SSH2: variants seen among roughly 807,000 people sequenced by gnomAD.
The protein encoded by SSH2 is protein phosphatase Slingshot homolog 2.
In SSH2, 37 loss-of-function variants were observed where a neutral mutation model predicts 135.2. The observed-to-expected ratio is 0.27, with a 90% CI of 0.21 to 0.36. The LOEUF (loss-of-function observed/expected upper bound fraction) is 0.36, where lower values mean the gene tolerates loss of function less well. Ranked by LOEUF, SSH2 falls within the 10% of genes least tolerant of loss-of-function variation. The pLI is 1.00. For missense variants in SSH2, 1,408 were observed against 1,765.3 expected (o/e 0.80, Z 3.63); for synonymous variants, 628 against 646.2 (o/e 0.97, Z 0.43).
chr17:29,771,683 C>T (rs1437123197), intron 3 of SSH2, among the ~76,000 whole-genome samples: 1 of 152,142 alleles, frequency 6.6e-6, no homozygotes, highest in African/African-American at 2.4e-5. Context: ...TTTTTATTTT[C>T]AAGCCTGCTC....
chr17:29,800,201 G>A (rs556933479), intron 2 of SSH2, among the ~76,000 whole-genome samples: 48 of 147,408 alleles, frequency 3.3e-4, no homozygotes, highest in African/African-American at 1.1e-3. Context: ...TGTTTACTTC[G>A]AAAAAAAAAC....
chr17:29,655,003 A>G (rs935071981), intron 12 of SSH2, among the ~76,000 whole-genome samples: 1 of 152,248 alleles, frequency 6.6e-6, no homozygotes, highest in Non-Finnish European at 1.5e-5. Context: ...TTGATTTTAA[A>G]CATCACCAAT....
chr17:29,755,451 AATG>A (rs1323056102), intron 3 of SSH2, among the ~76,000 whole-genome samples: 10 of 152,146 alleles, frequency 6.6e-5, no homozygotes, highest in African/African-American at 4.8e-5. Flanking sequence ...TTAATCTAAT[AATG>A]ATAACATAAT....
At position 29,784,065 on chromosome 17, in the gene SSH2, C is replaced by CAAAAAAAA. The variant is rs71138857; in HGVS notation, c.188+9821_188+9828dup. On this transcript the variant is annotated intron_variant, in intron 3 of 15. Transcript: ENST00000540801. ...TGGGTGACAGAGCGAGACTCCGTCTCAAAAAAAAAAAAAAAAAAAAAAAAA... is the reference window on the plus strand; with the variant it reads ...TGGGTGACAGAGCGAGACTCCGTCTCAAAAAAAAAAAAAAAAAAAAAAAAAAAAAAAAA... Among the ~76,000 whole-genome samples the CAAAAAAAA allele has an allele frequency of 7.8e-3, 64 of 8,232 alleles. 2 individuals carry two copies. Among genetic ancestry groups the CAAAAAAAA allele is most frequent in the Non-Finnish European group, 0.013 (51 of 4,000 alleles). 5.4% of individuals were successfully genotyped at this position (8,232 alleles called of 152,430 possible).
intron 14 of SSH2, 36 bp downstream of exon 14, chr17:29,648,107 TA>T: frequency 6.3e-7 from 1 of 1,596,548 alleles, no homozygotes; most frequent in Non-Finnish European, 8.6e-7. Flanking sequence ...TTAGGGAACT[TA>T]AAAGGAGGGA....
At position 29,632,823 on chromosome 17, in the gene SSH2, C is replaced by T. The variant is rs147412361; in HGVS notation, c.2371G>A (p.Gly791Arg). ...ATGTCTCCTTTCAGTTGAATCTGCC[C>T]AACTCCTTGACTGATGGACTCAATT... Reference protein sequence around the residue: ...TEIESISQGVGQIQLKGDILP... With the variant: ...TEIESISQGVRQIQLKGDILP... The change falls in exon 16 of 16, where the codon GGG (glycine) becomes AGG (arginine). Residue 791 changes from glycine (G) to arginine (R), a missense_variant. By Grantham distance (125) the Gly-to-Arg change is moderately radical. Around this residue, in one of 3 missense-constraint regions of SSH2, gnomAD observed 1,080 missense variants for 1,144.5 expected, o/e 0.94. Coordinates refer to ENST00000540801, the MANE Select transcript of SSH2 (RefSeq NM_001282129.2). 2 of 1,614,010 alleles carry T rather than the reference C, an allele frequency of 1.2e-6. No individual in the cohort carries two copies. The highest frequency in any genetic ancestry group is 1.7e-6 in the Non-Finnish European group (2 of 1,180,042).
intron 3 of SSH2, among the ~76,000 whole-genome samples, chr17:29,775,282 T>C (rs1462758251): frequency 6.6e-6 from 1 of 151,266 alleles, no homozygotes; most frequent in Non-Finnish European, 1.5e-5. Context: ...ATGAAGTCCT[T>C]CTTTCCTTTT....
chr17:29,716,317 C>T, intron 3 of SSH2: 1 of 447,204 alleles, frequency 2.2e-6, no homozygotes, highest in Non-Finnish European at 4.1e-6. Flanking sequence ...GCTTCTTTTT[C>T]TGATCATTTT....
intron 15 of SSH2, among the ~76,000 whole-genome samples, chr17:29,633,842 T>C (rs1005664437): frequency 1.3e-5 from 2 of 152,242 alleles, no homozygotes; most frequent in Non-Finnish European, 2.9e-5. Flanking sequence ...CTAGTTAACA[T>C]TTTTATAAGC....
intron 3 of SSH2, among the ~76,000 whole-genome samples, chr17:29,715,193 C>T (rs1357507087): frequency 6.6e-5 from 10 of 151,368 alleles, no homozygotes; most frequent in Non-Finnish European, 1.2e-4. Flanking sequence ...TAGCTATCAA[C>T]CTCCTTTTGG....
intron 3 of SSH2, among the ~76,000 whole-genome samples, chr17:29,710,212 A>G (rs567759705): frequency 2.0e-5 from 3 of 152,352 alleles, no homozygotes; most frequent in East Asian, 1.9e-4. Flanking sequence ...ATGCACACAT[A>G]TAAGAAGAAA....
In SSH2 at chr17:29,627,716, T is replaced by C. The variant is rs878859147; in HGVS notation, c.*3125A>G. The C allele has an allele frequency of 2.6e-5, 4 of 152,600 alleles. No homozygotes were observed. Among genetic ancestry groups the C allele is most frequent in the South Asian group, 2.1e-4 (1 of 4,834 alleles). The allele number at this position is 152,600 out of a possible 1,614,324, so 9.5% of individuals were successfully genotyped here. ...TATTACGGTACTATAGTACTACATG[T>C]CTACTACAGTATCCATTAGTCCTGG... On this transcript the variant is annotated 3_prime_UTR_variant, in exon 16 of 16. Transcript: ENST00000540801.
rs554931753 is a variant in SSH2 at position 29,635,883 on chromosome 17, A to G, written c.2262+85T>C. The stretch of plus-strand genomic sequence containing the variant: ...AAAGAAAACCTCAGCCAGACTCTCC[A>G]TCAAAAACAAACATAACATAATCCC... On this transcript the variant is annotated intron_variant, in intron 15 of 15. Coordinates refer to ENST00000540801, the MANE Select transcript of SSH2 (RefSeq NM_001282129.2). 4.5e-4 allele frequency: 485 copies of G among 1,079,906 alleles called. 6 individuals carry two copies. In the South Asian group the frequency reaches 6.4e-3, roughly 14 times the overall value. 66.9% of individuals were successfully genotyped at this position (1,079,906 alleles called of 1,614,324 possible). A position where few individuals can be genotyped will look rare whatever the true frequency, so the allele number is the denominator to read the frequency against.
At position 29,658,487 on chromosome 17, in the gene SSH2, A is replaced by G. The variant is rs535910904; in HGVS notation, c.1033-2880T>C. ...TGCCACCATACCTGGCTTGTATTCA[A>G]TTTTAGAGTGCTTTTTCTATTCTTT... On this transcript the variant is annotated intron_variant, in intron 11 of 15. Coordinates refer to ENST00000540801, the MANE Select transcript of SSH2 (RefSeq NM_001282129.2). 3.3e-5 allele frequency among the ~76,000 whole-genome samples: 5 copies of G among 152,258 alleles called. No individual in the cohort carries two copies. The South Asian group carries it at 8.3e-4, about 25-fold the overall frequency.
intron 11 of SSH2, among the ~76,000 whole-genome samples, chr17:29,658,387 C>T (rs1195752303): frequency 1.3e-5 from 2 of 152,016 alleles, no homozygotes; most frequent in Non-Finnish European, 2.9e-5. Context: ...TATCATTGTG[C>T]GCTATAGCCT....
chr17:29,773,080 C>T (rs1320814687), intron 3 of SSH2, among the ~76,000 whole-genome samples: 1 of 151,806 alleles, frequency 6.6e-6, no homozygotes, highest in African/African-American at 2.4e-5. Context: ...ATCCATCCAT[C>T]ATCCACCCAT....
intron 1 of SSH2, among the ~76,000 whole-genome samples, chr17:29,913,347 A>AAAAAAAAAATTATATATATAT: frequency 1.0e-4 from 3 of 28,786 alleles, no homozygotes; most frequent in Admixed American, 7.3e-4. Flanking sequence ...AAAAAAAAAA[A>AAAAAAAAAATTATATATATAT]ATATATATAT....
intron 5 of SSH2, among the ~76,000 whole-genome samples, chr17:29,690,404 C>CA (rs1272605484): frequency 0.029 from 2,594 of 90,236 alleles, 71 homozygotes; most frequent in African/African-American, 0.079. Flanking sequence ...AACTCTGTCT[C>CA]AAAAAAAAAA....
intron 3 of SSH2, among the ~76,000 whole-genome samples, chr17:29,748,360 T>C (rs2040826798): frequency 6.6e-6 from 1 of 152,210 alleles, no homozygotes; most frequent in Non-Finnish European, 1.5e-5. Flanking sequence ...GAAGATTCAC[T>C]AGATGTAAAC....
Sources: gnomAD v4.1 joint callset for allele counts (sites outside exome capture counted in the v4.1 genomes callset) on GRCh38, gnomAD v4.1.1 for gene constraint, gnomAD v4.1.1 regional missense constraint, MANE v1.5 for transcripts, NCBI Gene and HGNC (gene_info 2026-07-23, HGNC 2026-07-21) for gene names.